Variants in RMDN2 observed in about 807,000 individuals in gnomAD.
The protein encoded by RMDN2 is regulator of microtubule dynamics 2.
Under a neutral mutation model 52.8 loss-of-function variants are expected in RMDN2, and 61 were observed. That is an observed-to-expected ratio of 1.16 (90% CI 0.94 to 1.43). The LOEUF is 1.43. Among genes scored for constraint, RMDN2 ranks in the 40% most tolerant of loss-of-function variants. The pLI is 0.00. For synonymous variants in RMDN2, 180 were observed against 153.1 expected, an observed-to-expected ratio of 1.18 and a Z score of -1.30; for missense variants, 592 against 475.3, an observed-to-expected ratio of 1.25 and a Z score of -2.28.
chr2:37,952,817 C>G (rs892939487), intron 2 of RMDN2: 1 of 151,964 alleles, frequency 6.6e-6, no homozygotes, highest in South Asian at 2.1e-4. Flanking sequence ...AATACACATT[C>G]ATGTATGTGC....
intron 10 of RMDN2, among the ~76,000 whole-genome samples, chr2:38,016,472 A>G (rs899530973): frequency 6.6e-5 from 10 of 152,270 alleles, no homozygotes; most frequent in African/African-American, 2.4e-4. Context: ...GCCTTCAGTG[A>G]CCATTTATCC....
At chr2:38,007,415 C>T (rs1427470310) in intron 10 of RMDN2, among the ~76,000 whole-genome samples, 1 of 152,184 alleles carries the variant, frequency 6.6e-6, no homozygotes, top group Non-Finnish European at 1.5e-5. Flanking sequence ...GATTCAACTT[C>T]TTCCTGGTTT....
intron 2 of RMDN2, chr2:37,950,475 G>C (rs979272313): frequency 6.2e-7 from 1 of 1,611,612 alleles, no homozygotes; most frequent in Non-Finnish European, 8.5e-7. Flanking sequence ...CATGCAGCTT[G>C]AGCATTCAGT....
intron 4 of RMDN2, 110 bp from the exon 5 acceptor site, chr2:37,981,173 C>G (rs1189882381): frequency 4.0e-6 from 3 of 751,972 alleles, no homozygotes; most frequent in Non-Finnish European, 2.4e-6. Context: ...CCATGTGATG[C>G]TGATGCTTCT....
In RMDN2 at chr2:37,975,199, C is replaced by G. The variant is rs774538351; in HGVS notation, c.628-13C>G. The G allele has an allele frequency of 6.6e-7, 1 of 1,521,610 alleles. No individual in the cohort carries two copies. Among genetic ancestry groups the G allele is most frequent in the South Asian group, 1.1e-5 (1 of 88,534 alleles). The allele number at this position is 1,521,610 out of a possible 1,614,324, so 94.3% of individuals were successfully genotyped here. The stretch of plus-strand genomic sequence containing the variant: ...AAGTTAATTTAACAGGCAACTCCAT[C>G]TTTTCTTTTCAGTTTAGAGATGAAA... On this transcript the variant is annotated splice_polypyrimidine_tract_variant and intron_variant, in intron 3 of 10. Transcript: ENST00000354545.
chr2:38,060,672 C>G (rs1341296402), intron 10 of RMDN2, among the ~76,000 whole-genome samples: 1 of 152,140 alleles, frequency 6.6e-6, no homozygotes, highest in Admixed American at 6.5e-5. Context: ...CCAGTGGACA[C>G]CAGCAGCTTT....
At chr2:37,981,380 A>T (rs1436861369) in intron 5 of RMDN2, 37 bp downstream of exon 5, 4 of 1,308,518 alleles carry the variant, frequency 3.1e-6, no homozygotes, top group Non-Finnish European at 4.4e-6. Flanking sequence ...TTTAAATTCT[A>T]ACCTGCCTCT....
chr2:38,046,461 G>A (rs1213801605), intron 10 of RMDN2, among the ~76,000 whole-genome samples: 1 of 152,000 alleles, frequency 6.6e-6, no homozygotes, highest in African/African-American at 2.4e-5. Context: ...ATGAAATAAT[G>A]ACTAGAAATG....
rs144414243 is a variant in RMDN2, at chr2:37,984,477, C to G, written c.791+3134C>G. On this transcript the variant is annotated intron_variant, in intron 5 of 10. Transcript: ENST00000354545. ...AAGGTACTGTGTGTATGTGTGCATG[C>G]ACGCATGAATGTGTGTATTGATTAG... Among the ~76,000 whole-genome samples the G allele has an allele frequency of 2.7e-3, 404 of 152,280 alleles. 2 individuals are homozygous for G. Among genetic ancestry groups the G allele is most frequent in the Middle Eastern group, 0.01 (3 of 294 alleles).
chr2:37,951,737 T>G (rs775905089), intron 2 of RMDN2: 2 of 1,612,614 alleles, frequency 1.2e-6, no homozygotes, highest in Non-Finnish European at 1.7e-6. Context: ...CTAAAAAACA[T>G]ATAACCATCT....
downstream of RMDN2, among the ~76,000 whole-genome samples, chr2:38,019,934 CA>C (rs1363913523): frequency 2.6e-5 from 4 of 151,520 alleles, no homozygotes; most frequent in Non-Finnish European, 5.9e-5. Flanking sequence ...GAAACTGTTT[CA>C]AAAAAATTTT....
intron 2 of RMDN2, among the ~76,000 whole-genome samples, chr2:37,945,995 A>G (rs982731607): frequency 1.3e-5 from 2 of 152,212 alleles, no homozygotes; most frequent in Non-Finnish European, 2.9e-5. Context: ...AACTCACCTC[A>G]ATTCCATTTG....
intron 10 of RMDN2, among the ~76,000 whole-genome samples, chr2:38,023,230 C>T (rs1256683883): frequency 1.3e-5 from 2 of 152,130 alleles, no homozygotes; most frequent in African/African-American, 4.8e-5. Context: ...GCTCCAGAGT[C>T]CATGCTGTGG....
At chr2:37,970,937 A>G (rs1165026194) in intron 2 of RMDN2, among the ~76,000 whole-genome samples, 3 of 152,068 alleles carry the variant, frequency 2.0e-5, no homozygotes, top group Non-Finnish European at 2.9e-5. Flanking sequence ...AGAGTTTTAT[A>G]TATATTTTGT....
chr2:37,950,466 A>G lies in RMDN2; in HGVS notation c.452+20737A>G, dbSNP rs201509642. On this transcript the variant is annotated intron_variant, in intron 2 of 10. Transcript: ENST00000354545. The stretch of plus-strand genomic sequence containing the variant: ...TGTGTTATTGCCATGTTAACTCCAC[A>G]TGCAGCTTGAGCATTCAGTCTTCTG... The G allele has an allele frequency of 2.4e-4, 388 of 1,611,362 alleles. 3 individuals are homozygous for G. In the African/African-American group the frequency reaches 4.8e-3, roughly 20 times the overall value.
chr2:37,951,986 C>G (rs750030585), intron 2 of RMDN2: 1 of 1,613,186 alleles, frequency 6.2e-7, no homozygotes, highest in South Asian at 1.1e-5. Flanking sequence ...AAAGTTACAG[C>G]ACAGATCATT....
At chr2:38,062,873 T>C (rs1573259159) in intron 10 of RMDN2, among the ~76,000 whole-genome samples, 1 of 149,276 alleles carries the variant, frequency 6.7e-6, no homozygotes, top group East Asian at 2.0e-4. Flanking sequence ...CGGTGTTTGG[T>C]TTTTTGTCCC....
chr2:38,034,353 G>A (rs1452451903), intron 10 of RMDN2, among the ~76,000 whole-genome samples: 1 of 152,210 alleles, frequency 6.6e-6, no homozygotes, highest in Non-Finnish European at 1.5e-5. Context: ...GGGAGATCAG[G>A]AGGGCTAGGG....
At chr2:38,058,492 G>C (rs896623932) in intron 10 of RMDN2, among the ~76,000 whole-genome samples, 5 of 152,228 alleles carry the variant, frequency 3.3e-5, no homozygotes, top group Non-Finnish European at 7.3e-5. Flanking sequence ...TCAGGCAGGG[G>C]ACTTCAGGAC....
Sources: gnomAD v4.1 joint callset for allele counts (sites outside exome capture counted in the v4.1 genomes callset) on GRCh38, gnomAD v4.1.1 for gene constraint, MANE v1.5 for transcripts, NCBI Gene and HGNC (gene_info 2026-07-23, HGNC 2026-07-21) for gene names.